ZNF586: variants seen among roughly 807,000 people sequenced by gnomAD.
ZNF586 encodes the protein zinc finger protein 586.
ZNF586 carries 7 observed loss-of-function variants against 6.7 expected under a neutral mutation model. The ratio of observed to expected loss-of-function variants is 1.04; its 90% CI spans 0.59 to 1.95. The LOEUF (loss-of-function observed/expected upper bound fraction) is 1.95. Among genes scored for constraint, ZNF586 ranks in the 30% most tolerant of loss-of-function variants. The pLI is 0.00. For synonymous variants in ZNF586, 166 were observed against 168.7 expected (o/e 0.98, Z 0.12); for missense variants, 442 against 489.6 (o/e 0.90, Z 0.92).
At chr19:57,774,857 C>G in intron 1 of ZNF586, 1 of 568,788 alleles carries the variant, frequency 1.8e-6, no homozygotes, top group Non-Finnish European at 2.2e-6. Context: ...GATACCAGTA[C>G]TACCTCACAT....
intron 1 of ZNF586, among the ~76,000 whole-genome samples, chr19:57,773,402 CTTTTT>C (rs35585717): frequency 1.1e-5 from 1 of 92,798 alleles, no homozygotes; most frequent in Non-Finnish European, 2.4e-5. Context: ...TCTTCTTCTT[CTTTTT>C]TTTTTTTTTT....
intron 1 of ZNF586, among the ~76,000 whole-genome samples, chr19:57,772,899 A>G (rs1356568734): frequency 6.6e-6 from 1 of 152,042 alleles, no homozygotes; most frequent in Non-Finnish European, 1.5e-5. Flanking sequence ...AAATTTCCAG[A>G]CCTCGAATCC....
At chr19:57,773,310 G>T (rs2122555250) in intron 1 of ZNF586, among the ~76,000 whole-genome samples, 1 of 152,038 alleles carries the variant, frequency 6.6e-6, no homozygotes, top group South Asian at 2.1e-4. Flanking sequence ...TGGGTTTCCT[G>T]CTTGTGTACC....
chr19:57,779,113 A>G lies in ZNF586; in HGVS notation c.526A>G (p.Arg176Gly), dbSNP rs1232527178. Reference sequence around the variant, plus strand: ...GCGTCAGACACTTCACACTAGAGAAAGGCCTTATGAGTGTATTGAATGTGG... The same window carrying G: ...GCGTCAGACACTTCACACTAGAGAAGGGCCTTATGAGTGTATTGAATGTGG... Reference protein sequence around the residue: ...LQRQTLHTRERPYECIECGKA... With the variant: ...LQRQTLHTREGPYECIECGKA... Residue 176 changes from arginine to glycine, a missense_variant, in exon 3 of 3, where the codon AGG (arginine) becomes GGG (glycine). By Grantham distance (125) the Arg-to-Gly change is moderately radical (BLOSUM62 -2). Coordinates refer to ENST00000396154, the MANE Select transcript of ZNF586 (RefSeq NM_017652.4). 3.1e-6 allele frequency: 5 copies of G among 1,614,032 alleles called. No individual in the cohort carries two copies. The highest frequency in any genetic ancestry group is 2.2e-5 in the East Asian group (1 of 44,894).
chr19:57,777,888 T>C (rs1036965753), intron 2 of ZNF586, among the ~76,000 whole-genome samples: 2 of 149,328 alleles, frequency 1.3e-5, no homozygotes, highest in Non-Finnish European at 3.0e-5. Context: ...CCTGAGTAGC[T>C]AGGATTACAG....
intron 2 of ZNF586, among the ~76,000 whole-genome samples, chr19:57,778,356 T>C (rs1987291077): frequency 6.6e-6 from 1 of 152,158 alleles, no homozygotes; most frequent in African/African-American, 2.4e-5. Context: ...ATTAGAGGCA[T>C]GAGCCACGGT....
chr19:57,779,135 G>A lies in ZNF586; in HGVS notation c.548G>A (p.Cys183Tyr), dbSNP rs1474413593. 3 of 1,614,054 alleles carry A rather than the reference G, an allele frequency of 1.9e-6. No homozygotes were observed. Among genetic ancestry groups the A allele is most frequent in the South Asian group, 1.1e-5 (1 of 91,078 alleles). Reference sequence around the variant, plus strand: ...GAAAGGCCTTATGAGTGTATTGAATGTGGGAAAGCCTTTGCTGAAAAGTCC... The same window carrying A: ...GAAAGGCCTTATGAGTGTATTGAATATGGGAAAGCCTTTGCTGAAAAGTCC... ...TRERPYECIE[C>Y]GKAFAEKSSL... Residue 183 changes from cysteine to tyrosine, a missense_variant, in exon 3 of 3, where the codon TGT (cysteine) becomes TAT (tyrosine). By Grantham distance (194) the Cys-to-Tyr change is radical. Transcript: ENST00000396154.
In ZNF586 at chr19:57,769,708, G is replaced by A. The variant is rs928144513; in HGVS notation, c.-135G>A. 1.1e-6 allele frequency: 1 copy of A among 950,718 alleles called. No individual in the cohort carries two copies. The highest frequency in any genetic ancestry group is 2.9e-5 in the East Asian group (1 of 34,568). 58.9% of individuals were successfully genotyped at this position (950,718 alleles called of 1,614,324 possible). On this transcript the variant is annotated 5_prime_UTR_variant, in exon 1 of 3. Coordinates refer to ENST00000396154, the MANE Select transcript of ZNF586 (RefSeq NM_017652.4). ...AGGTCCATCCGGCGATGCTGGGTCTGGACGAGCTCGGGAGGAGTGGTTGTG... is the reference window on the plus strand; with the variant it reads ...AGGTCCATCCGGCGATGCTGGGTCTAGACGAGCTCGGGAGGAGTGGTTGTG...
intron 1 of ZNF586, among the ~76,000 whole-genome samples, chr19:57,775,091 T>G (rs192714076): frequency 0.022 from 3,265 of 151,708 alleles, 52 homozygotes; most frequent in South Asian, 0.053. Context: ...CTCCGCCTCC[T>G]GGGTTCATGA....
chr19:57,778,718 A>C, intron 2 of ZNF586, 33 bp from the exon 3 acceptor site: 1 of 1,567,840 alleles, frequency 6.4e-7, no homozygotes, highest in Non-Finnish European at 8.6e-7. Flanking sequence ...AACAAAGTCA[A>C]CATGTACCTC....
chr19:57,776,877 G>A (rs1260675335), intron 2 of ZNF586, among the ~76,000 whole-genome samples: 1 of 152,156 alleles, frequency 6.6e-6, no homozygotes, highest in African/African-American at 2.4e-5. Context: ...TCCAGGGAAG[G>A]AGTCAGGGTC....
At chr19:57,778,722 G>A in intron 2 of ZNF586, 29 bp from the exon 3 acceptor site, 2 of 1,574,262 alleles carry the variant, frequency 1.3e-6, no homozygotes. Context: ...AAGTCAACAT[G>A]TACCTCACCA....
chr19:57,774,216 CAAAA>C lies in ZNF586; in HGVS notation c.37-2309_37-2306del, dbSNP rs34864063. Among the ~76,000 whole-genome samples the C allele has an allele frequency of 1.6e-4, 11 of 68,970 alleles. No homozygotes were observed. In the South Asian group the frequency reaches 1.8e-3, roughly 12 times the overall value. 45.2% of individuals were successfully genotyped at this position (68,970 alleles called of 152,430 possible). ...GGGTGACAAGAGTGAAACTCCGTCTCAAAAAAAAAAAAAAAAAAAAAGTCAGCCG... is the reference window on the plus strand; with the variant it reads ...GGGTGACAAGAGTGAAACTCCGTCTCAAAAAAAAAAAAAAAAAGTCAGCCG... On this transcript the variant is annotated intron_variant, in intron 1 of 2. Coordinates refer to ENST00000396154, the MANE Select transcript of ZNF586 (RefSeq NM_017652.4).
chr19:57,775,821 C>T (rs867342451), intron 1 of ZNF586, among the ~76,000 whole-genome samples: 1 of 152,126 alleles, frequency 6.6e-6, no homozygotes, highest in Non-Finnish European at 1.5e-5. Flanking sequence ...AGGCTGGTCT[C>T]GAACTCCTGA....
intron 1 of ZNF586, among the ~76,000 whole-genome samples, chr19:57,772,285 T>TA (rs1210996095): frequency 1.3e-5 from 2 of 152,226 alleles, no homozygotes; most frequent in African/African-American, 4.8e-5. Context: ...AGGTTTGTTT[T>TA]GGCCATTCTG....
intron 1 of ZNF586, among the ~76,000 whole-genome samples, chr19:57,774,200 G>A (rs1228066048): frequency 7.8e-6 from 1 of 127,900 alleles, no homozygotes; most frequent in Admixed American, 9.2e-5. Context: ...TGGGTGACAA[G>A]AGTGAAACTC....
In ZNF586 at chr19:57,779,782, A is replaced by G; in HGVS notation, c.1195A>G (p.Arg399Gly). ...CCATCAGAGAGTTCATACTGGAATG[A>G]GGCCTTATAAGTGAAGCAAATTTTG... is the stretch of plus-strand genomic sequence containing the variant. ...RRHQRVHTGM[R>G]PYK The change falls in exon 3 of 3, where the codon AGG becomes GGG. Residue 399 changes from arginine (R) to glycine (G), a missense_variant. By Grantham distance (125) the Arg-to-Gly change is moderately radical (BLOSUM62 -2). Transcript: ENST00000396154. 6.4e-7 allele frequency: 1 copy of G among 1,573,916 alleles called. No individual in the cohort carries two copies. The highest frequency in any genetic ancestry group is 8.6e-7 in the Non-Finnish European group (1 of 1,162,068).
Position 57,776,588 on chromosome 19 carries a change from G to A in ZNF586, c.82G>A (p.Glu28Lys). The change falls in exon 2 of 3, where the codon GAA becomes AAA. Residue 28 changes from glutamate to lysine, a missense_variant. Transcript: ENST00000396154. ...EDVAVNFSLE[E>K]WSLLNEAQRC... ...TGTGGCTGTAAACTTTTCCCTGGAG[G>A]AATGGAGTCTTCTTAATGAGGCTCA... The A allele has an allele frequency of 6.2e-7, 1 of 1,613,740 alleles. No individual in the cohort carries two copies. Among genetic ancestry groups the A allele is most frequent in the Non-Finnish European group, 8.5e-7 (1 of 1,179,846 alleles).
Position 57,779,707 on chromosome 19 carries a change from G to C in ZNF586, c.1120G>C (p.Glu374Gln). 6.2e-7 allele frequency: 1 copy of C among 1,614,146 alleles called. No individual in the cohort carries two copies. Reference protein sequence around the residue: ...LRVHTGERPYECIDCGKSFRH... With the variant: ...LRVHTGERPYQCIDCGKSFRH... ...AGTTCACACTGGAGAAAGGCCATATGAATGCATTGATTGTGGAAAATCATT... is the reference window on the plus strand; with the variant it reads ...AGTTCACACTGGAGAAAGGCCATATCAATGCATTGATTGTGGAAAATCATT... Residue 374 changes from glutamate (E) to glutamine (Q), a missense_variant, in exon 3 of 3, where the codon GAA becomes CAA. Coordinates refer to ENST00000396154, the MANE Select transcript of ZNF586 (RefSeq NM_017652.4).
Sources: allele counts gnomAD v4.1 joint callset (sites outside exome capture counted in the v4.1 genomes callset), GRCh38; gene constraint gnomAD v4.1.1; transcripts MANE v1.5; gene names NCBI Gene and HGNC (gene_info 2026-07-23, HGNC 2026-07-21).